The following PCDHA4 variants were observed in gnomAD, a reference collection of about 807,000 sequenced individuals.
PCDHA4 encodes the protein protocadherin alpha 4.
A neutral mutation model predicts 61.4 loss-of-function variants in PCDHA4; 49 were observed. The observed-to-expected ratio is 0.80, with a 90% confidence interval of 0.63 to 1.01. The LOEUF (loss-of-function observed/expected upper bound fraction) is 1.01. Among genes scored for constraint, PCDHA4 ranks in the 50% least tolerant of loss-of-function variants. The pLI, the probability that PCDHA4 is intolerant of heterozygous loss-of-function variation, is 0.00. For synonymous variants in PCDHA4, 590 were observed against 550.3 expected (o/e 1.07, Z -1.01); for missense variants, 1,254 against 1,235.8 (o/e 1.01, Z -0.22).
At chr5:140,870,014 A>G (rs782103858) in intron 1 of PCDHA4, 3 of 1,613,612 alleles carry the variant, frequency 1.9e-6, no homozygotes, top group Non-Finnish European at 2.5e-6. Flanking sequence ...GTGAGGGTCA[A>G]TGGAACTTTA....
chr5:140,988,062 A>G (rs1032842011), intron 3 of PCDHA4, among the ~76,000 whole-genome samples: 1 of 152,114 alleles, frequency 6.6e-6, no homozygotes, highest in Non-Finnish European at 1.5e-5. Context: ...GTCAACATGA[A>G]TTTTTCTATT....
intron 1 of PCDHA4, among the ~76,000 whole-genome samples, chr5:140,950,537 C>T (rs1439965496): frequency 1.3e-5 from 2 of 152,002 alleles, no homozygotes; most frequent in Non-Finnish European, 1.5e-5. Flanking sequence ...TTTTGTTGCT[C>T]TTGCATGGCT....
At chr5:140,857,939 A>C in intron 1 of PCDHA4, 1 of 1,597,618 alleles carries the variant, frequency 6.3e-7, no homozygotes, top group Middle Eastern at 1.7e-4. Flanking sequence ...GGGCGAGATC[A>C]GTACGACGCG....
chr5:140,889,232 C>T (rs1365146997), intron 1 of PCDHA4, among the ~76,000 whole-genome samples: 6 of 151,736 alleles, frequency 4.0e-5, no homozygotes, highest in African/African-American at 1.4e-4. Context: ...TTGAAAACTT[C>T]CAGAAAATTT....
intron 1 of PCDHA4, chr5:140,871,063 G>A (rs377081112): frequency 1.2e-6 from 2 of 1,613,272 alleles, no homozygotes; most frequent in Non-Finnish European, 1.7e-6. Flanking sequence ...GAAGGATCAC[G>A]GTGAGCCGGC....
intron 3 of PCDHA4, among the ~76,000 whole-genome samples, chr5:141,001,157 A>T (rs1554258022): frequency 6.6e-6 from 1 of 152,136 alleles, no homozygotes; most frequent in African/African-American, 2.4e-5. Flanking sequence ...TGATCTTAAT[A>T]AGTAAAATTT....
intron 1 of PCDHA4, among the ~76,000 whole-genome samples, chr5:140,921,801 A>T (rs1450383901): frequency 6.6e-6 from 1 of 152,286 alleles, no homozygotes. Context: ...ATAACACAAG[A>T]TAAGATACAT....
At chr5:140,890,223 G>C (rs1218987173) in intron 1 of PCDHA4, among the ~76,000 whole-genome samples, 3 of 152,108 alleles carry the variant, frequency 2.0e-5, no homozygotes, top group Non-Finnish European at 4.4e-5. Context: ...CAGAGACCTA[G>C]TTGTTAAGCA....
At position 140,835,912 on chromosome 5, in the gene PCDHA4, T is replaced by C. The variant is rs2150248212; in HGVS notation, c.2385+26340T>C. ...CGCGCGCTGTCGAGCTACGTGTCAG[T>C]GCACGCGGAGAGCGGCAAGGTGTAC... On this transcript the variant is annotated intron_variant, in intron 1 of 3. Coordinates refer to ENST00000530339, the MANE Select transcript of PCDHA4 (RefSeq NM_018907.4). 1.9e-5 allele frequency: 30 copies of C among 1,612,232 alleles called. 1 individual carries two copies. In the South Asian group the frequency reaches 2.6e-4, roughly 14 times the overall value.
intron 1 of PCDHA4, chr5:140,823,652 A>G: frequency 6.2e-7 from 1 of 1,613,972 alleles, no homozygotes; most frequent in Non-Finnish European, 8.5e-7. Context: ...GTGGGGCTGT[A>G]CACAGGCGAG....
chr5:140,842,310 T>C (rs2150333905), intron 1 of PCDHA4: 2 of 1,608,760 alleles, frequency 1.2e-6, no homozygotes, highest in Admixed American at 1.7e-5. Flanking sequence ...CATCCTCCCA[T>C]GGCGGGTCAT....
chr5:140,971,123 G>A (rs1305525231), intron 1 of PCDHA4, among the ~76,000 whole-genome samples: 1 of 152,182 alleles, frequency 6.6e-6, no homozygotes, highest in Non-Finnish European at 1.5e-5. Context: ...GTGGGCTACA[G>A]GTGGTGAAGA....
In PCDHA4 at chr5:140,927,579, C is replaced by T. The variant is rs369243383; in HGVS notation, c.2386-51370C>T. The T allele has an allele frequency of 3.2e-4, 517 of 1,614,178 alleles. 2 individuals are homozygous for T. Among genetic ancestry groups the T allele is most frequent in the Non-Finnish European group, 4.1e-4 (483 of 1,180,030 alleles). On this transcript the variant is annotated intron_variant, in intron 1 of 3. Coordinates refer to ENST00000530339, the MANE Select transcript of PCDHA4 (RefSeq NM_018907.4). ...TCATTGTGGTGGACACAAATGACAA[C>T]GCGCCTGTATTTGAGCGCTCCGTAT...
chr5:140,955,867 C>T (rs1208648426), intron 1 of PCDHA4, among the ~76,000 whole-genome samples: 1 of 152,136 alleles, frequency 6.6e-6, no homozygotes, highest in Non-Finnish European at 1.5e-5. Context: ...CTTCACTTCC[C>T]TTTTTAGCTG....
At position 140,876,499 on chromosome 5, in the gene PCDHA4, G is replaced by A. The variant is rs781995151; in HGVS notation, c.2385+66927G>A. ...CATGGTCCTGGTGGAAGTTCTGGAC[G>A]TGAATGACAATGTCCCTGAAGTAAT... On this transcript the variant is annotated intron_variant, in intron 1 of 3. Transcript: ENST00000530339. 5.0e-6 allele frequency: 8 copies of A among 1,613,910 alleles called. No homozygotes were observed. The Admixed American group carries it at 1.0e-4, about 20-fold the overall frequency.
At chr5:140,991,640 T>C (rs1315335320) in intron 3 of PCDHA4, among the ~76,000 whole-genome samples, 1 of 152,194 alleles carries the variant, frequency 6.6e-6, no homozygotes, top group Non-Finnish European at 1.5e-5. Flanking sequence ...AACAATCTGT[T>C]CATGACAATT....
At chr5:140,931,852 G>A (rs1177917853) in intron 1 of PCDHA4, among the ~76,000 whole-genome samples, 1 of 151,728 alleles carries the variant, frequency 6.6e-6, no homozygotes, top group Admixed American at 6.6e-5. Flanking sequence ...AATAACAACA[G>A]GATTCTAGAA....
At chr5:140,967,425 C>T in intron 1 of PCDHA4, 1 of 1,613,294 alleles carries the variant, frequency 6.2e-7, no homozygotes, top group Non-Finnish European at 8.5e-7. Flanking sequence ...CGGGAGCAGG[C>T]AGCCTTGCAC....
At position 140,979,015 on chromosome 5, in the gene PCDHA4, T is replaced by C. The variant is rs782169362; in HGVS notation, c.2444+8T>C. ...GAGAGCAGGCATGCACAGGTATGTATTTCCCTCCTCATTCACTCAGAAGTA... is the reference window on the plus strand; with the variant it reads ...GAGAGCAGGCATGCACAGGTATGTACTTCCCTCCTCATTCACTCAGAAGTA... On this transcript the variant is annotated splice_region_variant and intron_variant, in intron 2 of 3. Coordinates refer to ENST00000530339, the MANE Select transcript of PCDHA4 (RefSeq NM_018907.4). 1 of 1,613,802 alleles carries C rather than the reference T, an allele frequency of 6.2e-7. No individual in the cohort carries two copies. Among genetic ancestry groups the C allele is most frequent in the Non-Finnish European group, 8.5e-7 (1 of 1,179,916 alleles).
Sources: allele counts gnomAD v4.1 joint callset (sites outside exome capture counted in the v4.1 genomes callset), GRCh38; gene constraint gnomAD v4.1.1; transcripts MANE v1.5; gene names NCBI Gene and HGNC (gene_info 2026-07-23, HGNC 2026-07-21).